The following ARHGAP1 variants were observed in gnomAD, a reference collection of about 807,000 sequenced individuals.
The protein encoded by ARHGAP1 is Rho GTPase activating protein 1, also known as rho GTPase-activating protein 1.
Under a neutral mutation model 52.2 loss-of-function variants are expected in ARHGAP1, and 23 were observed. The observed-to-expected ratio is 0.44, with a 90% CI of 0.32 to 0.62. The LOEUF (loss-of-function observed/expected upper bound fraction) is 0.62, where lower values mean the gene tolerates loss of function less well. Ranked by LOEUF, ARHGAP1 falls within the 20% of genes least tolerant of loss-of-function variation. The pLI is 0.05. For synonymous variants in ARHGAP1, 210 were observed against 228.4 expected (o/e 0.92, Z 0.73); for missense variants, 480 against 560.9 (o/e 0.86, Z 1.46).
intron 3 of ARHGAP1, among the ~76,000 whole-genome samples, chr11:46,691,356 C>G (rs1468427886): frequency 1.3e-5 from 2 of 152,098 alleles, no homozygotes; most frequent in Non-Finnish European, 2.9e-5. Context: ...GTGATCTGGG[C>G]TCACTGCAAC....
intron 3 of ARHGAP1, among the ~76,000 whole-genome samples, chr11:46,692,945 C>T (rs1223870594): frequency 1.3e-5 from 2 of 151,926 alleles, no homozygotes; most frequent in Non-Finnish European, 2.9e-5. Flanking sequence ...CTCCGCCTCC[C>T]GGGTTCACGC....
intron 4 of ARHGAP1, chr11:46,686,883 C>T (rs1022832288): frequency 1.3e-5 from 2 of 152,264 alleles, no homozygotes; most frequent in South Asian, 2.1e-4. Context: ...GGACAAAGTG[C>T]TCCATGATGG....
intron 1 of ARHGAP1, among the ~76,000 whole-genome samples, chr11:46,699,183 C>A (rs1172769788): frequency 6.6e-6 from 1 of 152,184 alleles, no homozygotes; most frequent in Non-Finnish European, 1.5e-5. Flanking sequence ...GGTTCATACA[C>A]CTTCTGAGAA....
At position 46,680,295 on chromosome 11, in the gene ARHGAP1, A is replaced by G; in HGVS notation, c.821-13T>C. 1 of 1,613,956 alleles carries G rather than the reference A, an allele frequency of 6.2e-7. No individual in the cohort carries two copies. Among genetic ancestry groups the G allele is most frequent in the Non-Finnish European group, 8.5e-7 (1 of 1,179,908 alleles). On this transcript the variant is annotated splice_polypyrimidine_tract_variant and intron_variant, in intron 9 of 12. Coordinates refer to ENST00000311956, the MANE Select transcript of ARHGAP1 (RefSeq NM_004308.5). This position sits in a 1 kb window ranked among gnomAD's most constrained non-coding sequence, Gnocchi z 5.9. ...TCGGTGGTGAGAGCTGGGAAACAGT[A>G]GGGCCTGGTGAGCCTCCGAGCGCTG...
chr11:46,689,853 T>TA (rs2064597884), intron 3 of ARHGAP1, among the ~76,000 whole-genome samples: 2 of 152,286 alleles, frequency 1.3e-5, no homozygotes, highest in South Asian at 4.1e-4. Context: ...CCTCAATTTT[T>TA]AAAAAATGCT....
intron 2 of ARHGAP1, 67 bp from the exon 3 acceptor site, chr11:46,695,822 G>T: frequency 6.4e-7 from 1 of 1,566,598 alleles, no homozygotes; most frequent in Non-Finnish European, 8.7e-7. Flanking sequence ...CCACAGGCAT[G>T]CTGTCTGGCC....
intron 1 of ARHGAP1, among the ~76,000 whole-genome samples, chr11:46,698,865 G>T (rs1429430419): frequency 6.6e-6 from 1 of 152,062 alleles, no homozygotes; most frequent in Non-Finnish European, 1.5e-5. Flanking sequence ...TAACTTCTGA[G>T]CCTGGAAGTT....
At chr11:46,693,997 A>T (rs915423656) in intron 3 of ARHGAP1, among the ~76,000 whole-genome samples, 2 of 152,140 alleles carry the variant, frequency 1.3e-5, no homozygotes, top group African/African-American at 2.4e-5. Flanking sequence ...CCCGGCAGGG[A>T]GAGCTGAGGC....
At position 46,678,315 on chromosome 11, in the gene ARHGAP1, G is replaced by T. The variant is rs988915872; in HGVS notation, c.*722C>A. The T allele has an allele frequency of 5.7e-6, 1 of 174,332 alleles. No individual in the cohort carries two copies. The highest frequency in any genetic ancestry group is 2.4e-5 in the African/African-American group (1 of 41,512). The allele number at this position is 174,332 out of a possible 1,614,324, so 10.8% of individuals were successfully genotyped here. ...GGAGGTGGAGAGGGAGGTTTCAAGTGGATGCTGGGACTCTGAGCCATGTCA... is the reference window on the plus strand; with the variant it reads ...GGAGGTGGAGAGGGAGGTTTCAAGTTGATGCTGGGACTCTGAGCCATGTCA... On this transcript the variant is annotated 3_prime_UTR_variant, in exon 13 of 13. Coordinates refer to ENST00000311956, the MANE Select transcript of ARHGAP1 (RefSeq NM_004308.5).
At position 46,680,515 on chromosome 11, in the gene ARHGAP1, C is replaced by T. The variant is rs2064516709; in HGVS notation, c.792G>A (p.Arg264=). The change falls in exon 9 of 13, where the codon AGG becomes AGA. Residue 264 remains arginine, a synonymous_variant. Coordinates refer to ENST00000311956, the MANE Select transcript of ARHGAP1 (RefSeq NM_004308.5). The surrounding 1 kb of genome is among the most constrained non-coding windows in gnomAD (Gnocchi z 5.9). ...GGGCCTGTAAGTAGGCAACAGTCTC[C>T]CTGAGTACAATGGGAATGGGCTCCT... ...PEQEPIPIVL[R]ETVAYLQAHA... is the part of the protein sequence containing the mutation. The T allele has an allele frequency of 6.2e-7, 1 of 1,614,074 alleles. No homozygotes were observed. The highest frequency in any genetic ancestry group is 8.5e-7 in the Non-Finnish European group (1 of 1,179,998).
chr11:46,689,353 T>TG (rs139146144), intron 3 of ARHGAP1, among the ~76,000 whole-genome samples: 20,652 of 152,094 alleles, frequency 0.14, 1,411 homozygotes, highest in Non-Finnish European at 0.16. Flanking sequence ...TTCCAGGTAC[T>TG]GGGAGGAGTG....
At position 46,680,132 on chromosome 11, in the gene ARHGAP1, A is replaced by C; in HGVS notation, c.898+73T>G. ...AAGAGACTCTGAGACTCTCATTTAC[A>C]GGGCAGCAGAGGGCAGAGAAGCCCC... On this transcript the variant is annotated intron_variant, in intron 10 of 12. Coordinates refer to ENST00000311956, the MANE Select transcript of ARHGAP1 (RefSeq NM_004308.5). The surrounding 1 kb of genome is among the most constrained non-coding windows in gnomAD (Gnocchi z 5.9). 6.7e-7 allele frequency: 1 copy of C among 1,492,372 alleles called. No individual in the cohort carries two copies. Among genetic ancestry groups the C allele is most frequent in the African/African-American group, 1.4e-5 (1 of 72,294 alleles). The allele number at this position is 1,492,372 out of a possible 1,614,324, so 92.4% of individuals were successfully genotyped here.
chr11:46,690,481 C>T (rs767411282), intron 3 of ARHGAP1, among the ~76,000 whole-genome samples: 4 of 152,186 alleles, frequency 2.6e-5, no homozygotes, highest in East Asian at 1.9e-4. Context: ...ATCCTCTCAC[C>T]TCAGCTTCCC....
Position 46,695,707 on chromosome 11 carries a change from TC to T in ARHGAP1, c.181del (p.Asp61MetfsTer48). 6.4e-7 allele frequency: 1 copy of T among 1,552,058 alleles called. No individual in the cohort carries two copies. Among genetic ancestry groups the T allele is most frequent in the Non-Finnish European group, 8.7e-7 (1 of 1,147,118 alleles). ...SPELVTHLKW[D>X]DPYYDIARHQ... ...CCGGGCGATGTCATAGTATGGGTCA[TC>T]CCACTTCAGGTGTGTGACAAGTTCC... On this transcript the variant is annotated frameshift_variant, in exon 3 of 13. Transcript: ENST00000311956. LOFTEE classifies it high-confidence loss of function.
chr11:46,691,492 C>A (rs955956986), intron 3 of ARHGAP1, among the ~76,000 whole-genome samples: 10 of 149,706 alleles, frequency 6.7e-5, no homozygotes, highest in African/African-American at 2.5e-4. Context: ...TTGCTCGTTA[C>A]CCAGGCTGGA....
chr11:46,695,943 C>T (rs1176117091), intron 2 of ARHGAP1, 32 bp downstream of exon 2: 1 of 1,614,126 alleles, frequency 6.2e-7, no homozygotes, highest in Non-Finnish European at 8.5e-7. Flanking sequence ...TCTAAAGCGC[C>T]TGTAGCTGCC....
Position 46,680,921 on chromosome 11 carries a change from C to T in ARHGAP1, c.635+90G>A. 1 of 1,275,494 alleles carries T rather than the reference C, an allele frequency of 7.8e-7. No homozygotes were observed. Among genetic ancestry groups the T allele is most frequent in the Non-Finnish European group, 1.1e-6 (1 of 891,924 alleles). The allele number at this position is 1,275,494 out of a possible 1,614,324, so 79.0% of individuals were successfully genotyped here. ...TGGGAGAGGTCGGGACACGGGCTTG[C>T]TCTGCCTAAGCCCCACGCGGTCTCT... On this transcript the variant is annotated intron_variant, in intron 7 of 12. Transcript: ENST00000311956. The surrounding 1 kb of genome is among the most constrained non-coding windows in gnomAD (Gnocchi z 5.9).
rs759905997 is a variant in ARHGAP1, at chr11:46,688,164, G to C, written c.317+9C>G. 6.8e-6 allele frequency: 11 copies of C among 1,612,060 alleles called. No individual in the cohort carries two copies. Among genetic ancestry groups the C allele is most frequent in the Middle Eastern group, 3.3e-4 (2 of 6,062 alleles). On this transcript the variant is annotated intron_variant, in intron 4 of 12. Coordinates refer to ENST00000311956, the MANE Select transcript of ARHGAP1 (RefSeq NM_004308.5). ...CAAAGCCCCAACACACTTCCCAGCA[G>C]GTACTCACCCCAGGAGCTTGCTGTG...
In ARHGAP1 at chr11:46,680,398, G is replaced by T. The variant is rs2064515326; in HGVS notation, c.820+89C>A. The stretch of plus-strand genomic sequence containing the variant: ...TGGGTGGGGACGTTGAGGCTTGCAG[G>T]ACCTCCCTCTGCCCTGCCCAGCAGC... On this transcript the variant is annotated intron_variant, in intron 9 of 12. Coordinates refer to ENST00000311956, the MANE Select transcript of ARHGAP1 (RefSeq NM_004308.5). This position sits in a 1 kb window ranked among gnomAD's most constrained non-coding sequence, Gnocchi z 5.9. 1.9e-6 allele frequency: 3 copies of T among 1,579,846 alleles called. No homozygotes were observed.
Sources: gnomAD v4.1 joint callset for allele counts (sites outside exome capture counted in the v4.1 genomes callset) on GRCh38, gnomAD v4.1.1 for gene constraint, Gnocchi (gnomAD v3.1) non-coding constraint, MANE v1.5 for transcripts, NCBI Gene and HGNC (gene_info 2026-07-23, HGNC 2026-07-21) for gene names.